Variants in RP1 observed in about 807,000 individuals in gnomAD.
RP1 encodes RP1 axonemal microtubule associated.
RP1 carries 16 observed loss-of-function variants against 14.8 expected under a neutral mutation model. That is an observed-to-expected ratio of 1.08 (90% CI 0.73 to 1.65). RP1 has a LOEUF of 1.65. Among genes scored for constraint, RP1 ranks in the 40% most tolerant of loss-of-function variants. RP1 has a pLI of 0.00. For synonymous variants in RP1, 876 were observed against 883.6 expected (o/e 0.99, Z 0.15); for missense variants, 2,631 against 2,535.0 (o/e 1.04, Z -0.81).
chr8:54,611,754 T>C (rs144550132), upstream of RP1, among the ~76,000 whole-genome samples: 1 of 152,320 alleles, frequency 6.6e-6, no homozygotes, highest in African/African-American at 2.4e-5. Flanking sequence ...TCTTTTTTAA[T>C]GTGTGTGCAT....
At chr8:54,651,123 C>T (rs892443692) in intron 4 of RP1, among the ~76,000 whole-genome samples, 1 of 152,094 alleles carries the variant, frequency 6.6e-6, no homozygotes, top group East Asian at 1.9e-4. Context: ...TATGTAGAAC[C>T]AATTTCCATT....
chr8:54,835,343 G>A (rs924719377), intron 24 of RP1, among the ~76,000 whole-genome samples: 1 of 152,146 alleles, frequency 6.6e-6, no homozygotes, highest in Non-Finnish European at 1.5e-5. Context: ...TCTGGTTCTA[G>A]TTGGCTAACC....
intron 24 of RP1, among the ~76,000 whole-genome samples, chr8:54,804,640 CA>C (rs1810802219): frequency 6.6e-6 from 1 of 151,748 alleles, no homozygotes; most frequent in African/African-American, 2.4e-5. Context: ...ACATTAAAAC[CA>C]AAAAGTATAA....
intron 1 of RP1, among the ~76,000 whole-genome samples, chr8:54,591,248 G>T (rs1195176832): frequency 6.6e-6 from 1 of 152,080 alleles, no homozygotes; most frequent in Non-Finnish European, 1.5e-5. Context: ...GCAGTCCAGA[G>T]GGCCCTAAAA....
Position 54,625,452 on chromosome 8 carries a change from G to A in RP1, c.1570G>A (p.Asp524Asn). The A allele has an allele frequency of 6.2e-7, 1 of 1,613,860 alleles. No homozygotes were observed. Residue 524 changes from aspartate to asparagine, a missense_variant, in exon 4 of 4, where the codon GAT becomes AAT. Physicochemically the swap from Asp to Asn is conservative, Grantham distance 23 (BLOSUM62 1). Transcript: ENST00000220676. The stretch of plus-strand genomic sequence containing the variant: ...AGTACTTGTTCAGATCAATAACAAT[G>A]ATCAAATGGAGGAGTCATCATTAGA... ...KPVLVQINNNDQMEESSLERK... is the reference protein window; with the variant it reads ...KPVLVQINNNNQMEESSLERK...
At chr8:54,727,912 C>T (rs10105693) in intron 17 of RP1, among the ~76,000 whole-genome samples, 43,036 of 151,432 alleles carry the variant, frequency 0.28, 6,335 homozygotes, top group South Asian at 0.38. Context: ...CTTATAAGTT[C>T]TTCATTGTGG....
intron 12 of RP1, chr8:54,680,066 A>G (rs1807392757): frequency 8.6e-7 from 1 of 1,164,130 alleles, no homozygotes; most frequent in Non-Finnish European, 1.1e-6. Context: ...GGCCATTTAA[A>G]TAATTTACTA....
chr8:54,837,737 G>A (rs1420213121), intron 25 of RP1: 1 of 899,552 alleles, frequency 1.1e-6, no homozygotes, highest in African/African-American at 1.7e-5. Flanking sequence ...TTAGAATAGG[G>A]GCTGGCACCT....
At chr8:54,585,296 C>G (rs1391905963) in intron 1 of RP1, among the ~76,000 whole-genome samples, 1 of 152,164 alleles carries the variant, frequency 6.6e-6, no homozygotes, top group Non-Finnish European at 1.5e-5. Flanking sequence ...GTTGAAAATT[C>G]TTTTCTTTAA....
intron 24 of RP1, among the ~76,000 whole-genome samples, chr8:54,790,397 G>T (rs1193679448): frequency 6.6e-6 from 1 of 152,122 alleles, no homozygotes; most frequent in Non-Finnish European, 1.5e-5. Context: ...TTCCTTAAAT[G>T]CACAGTCACC....
chr8:54,667,260 A>G (rs1807039535), intron 7 of RP1, among the ~76,000 whole-genome samples: 1 of 152,186 alleles, frequency 6.6e-6, no homozygotes, highest in African/African-American at 2.4e-5. Context: ...GGAAGACTGC[A>G]GAATTGCACA....
chr8:54,779,015 G>A (rs961914594), intron 23 of RP1, among the ~76,000 whole-genome samples: 9 of 152,098 alleles, frequency 5.9e-5, no homozygotes, highest in Non-Finnish European at 7.4e-5. Flanking sequence ...TTTGGAGGTG[G>A]ATCTGTTCAA....
chr8:54,566,171 G>GTT (rs1369378889), intron 1 of RP1, among the ~76,000 whole-genome samples: 2 of 152,160 alleles, frequency 1.3e-5, no homozygotes. Context: ...GCTGAGGGTT[G>GTT]GACTTCAACA....
intron 1 of RP1, among the ~76,000 whole-genome samples, chr8:54,584,963 GTCTGTGTC>G (rs1161609870): frequency 6.6e-6 from 1 of 152,136 alleles, no homozygotes; most frequent in African/African-American, 2.4e-5. Flanking sequence ...CAATTTGCCA[GTCTGTGTC>G]TTTTAATTGG....
At chr8:54,722,197 A>C (rs767896624) in intron 16 of RP1, among the ~76,000 whole-genome samples, 1 of 146,218 alleles carries the variant, frequency 6.8e-6, no homozygotes, top group Non-Finnish European at 1.5e-5. Flanking sequence ...GCTCCCCTGC[A>C]CTCTAGCTCC....
At chr8:54,615,805 A>G (rs1450612654), upstream of RP1, among the ~76,000 whole-genome samples, 1 of 152,232 alleles carries the variant, frequency 6.6e-6, no homozygotes, top group African/African-American at 2.4e-5. Flanking sequence ...CACAATAACA[A>G]CTTTCTCCTG....
At chr8:54,670,539 ATATG>A (rs1164599809) in intron 7 of RP1, among the ~76,000 whole-genome samples, 6 of 124,888 alleles carry the variant, frequency 4.8e-5, no homozygotes, top group African/African-American at 1.5e-4. Context: ...ATATACATAT[ATATG>A]TATGTATATG....
At chr8:54,575,982 T>A (rs1428541109) in intron 1 of RP1, among the ~76,000 whole-genome samples, 1 of 152,054 alleles carries the variant, frequency 6.6e-6, no homozygotes, top group Non-Finnish European at 1.5e-5. Flanking sequence ...ATTAAAAGGT[T>A]CCCACCTGTG....
chr8:54,735,657 C>T (rs975307311), intron 18 of RP1, among the ~76,000 whole-genome samples: 10 of 152,246 alleles, frequency 6.6e-5, no homozygotes, highest in Non-Finnish European at 1.3e-4. Flanking sequence ...AGTTAATTTT[C>T]GCTGAAGAAA....
Sources: gnomAD v4.1 joint callset for allele counts (sites outside exome capture counted in the v4.1 genomes callset) on GRCh38, gnomAD v4.1.1 for gene constraint, MANE v1.5 for transcripts, NCBI Gene and HGNC (gene_info 2026-07-23, HGNC 2026-07-21) for gene names.